The following TMCO4 variants were observed in gnomAD, a reference collection of about 807,000 sequenced individuals.
TMCO4 encodes transmembrane and coiled-coil domain-containing protein 4.
In TMCO4, 58 loss-of-function variants were observed where a neutral mutation model predicts 64.7. The ratio of observed to expected loss-of-function variants is 0.90; its 90% CI spans 0.73 to 1.12. The LOEUF (loss-of-function observed/expected upper bound fraction) is 1.12. Among genes scored for constraint, TMCO4 ranks in the 50% most tolerant of loss-of-function variants. TMCO4 has a pLI of 0.00. For missense variants in TMCO4, 780 were observed against 825.9 expected (o/e 0.94, Z 0.68); for synonymous variants, 325 against 346.1 (o/e 0.94, Z 0.68).
At position 19,739,950 on chromosome 1, in the gene TMCO4, A is replaced by G. The variant is rs2095471691; in HGVS notation, c.1053T>C (p.Ala351=). Reference sequence around the variant, plus strand: ...GGAGTGAGGCTGGCCAGGTCAGGGCAGCCACAATGCCTGGGGAGGTGAGAT... The same window carrying G: ...GGAGTGAGGCTGGCCAGGTCAGGGCGGCCACAATGCCTGGGGAGGTGAGAT... ...LKYTVLSGIV[A]ALTWPASLLS... The change falls in exon 12 of 16, where the codon GCT becomes GCC. Residue 351 remains alanine (A), a synonymous_variant. Transcript: ENST00000294543. 6.2e-7 allele frequency: 1 copy of G among 1,612,990 alleles called. No individual in the cohort carries two copies. The highest frequency in any genetic ancestry group is 1.3e-5 in the African/African-American group (1 of 74,858).
At chr1:19,792,360 T>C (rs2044087434) in intron 2 of TMCO4, among the ~76,000 whole-genome samples, 1 of 152,232 alleles carries the variant, frequency 6.6e-6, no homozygotes, top group Non-Finnish European at 1.5e-5. Context: ...TGTTTTGATA[T>C]GCTATGATTA....
chr1:19,750,946 C>T lies in TMCO4; in HGVS notation c.516-3686G>A, dbSNP rs185678594. On this transcript the variant is annotated intron_variant, in intron 7 of 15. Coordinates refer to ENST00000294543, the MANE Select transcript of TMCO4 (RefSeq NM_181719.7). Reference sequence around the variant, plus strand: ...CCAGTGATTTTCAGAGGGTGGGCACCAGAATCACCAGGAGGTACTTGTTAA... The same window carrying T: ...CCAGTGATTTTCAGAGGGTGGGCACTAGAATCACCAGGAGGTACTTGTTAA... Among the ~76,000 whole-genome samples, 14 of 152,330 alleles carry T rather than the reference C, an allele frequency of 9.2e-5. No individual in the cohort carries two copies. The East Asian group carries it at 2.7e-3, about 29-fold the overall frequency.
chr1:19,752,312 C>T (rs2042054695), intron 7 of TMCO4, among the ~76,000 whole-genome samples: 1 of 152,192 alleles, frequency 6.6e-6, no homozygotes, highest in Non-Finnish European at 1.5e-5. Flanking sequence ...CAGCAACCCA[C>T]ACCGTCGTAG....
At chr1:19,694,034 C>A (rs1557458791) in intron 15 of TMCO4, among the ~76,000 whole-genome samples, 1 of 152,150 alleles carries the variant, frequency 6.6e-6, no homozygotes, top group Non-Finnish European at 1.5e-5. Context: ...CAGGGTTGTG[C>A]TCTGATGCCT....
At chr1:19,714,205 G>A (rs2095345123) in intron 13 of TMCO4, among the ~76,000 whole-genome samples, 1 of 152,150 alleles carries the variant, frequency 6.6e-6, no homozygotes, top group Non-Finnish European at 1.5e-5. Context: ...CCAAAGTGCT[G>A]GGATTACAGG....
At chr1:19,715,404 T>C (rs2095350942) in intron 13 of TMCO4, among the ~76,000 whole-genome samples, 2 of 152,156 alleles carry the variant, frequency 1.3e-5, no homozygotes, top group African/African-American at 2.4e-5. Context: ...TTACCAGTCA[T>C]GGCTAATTAA....
At chr1:19,697,730 C>G (rs2095246081) in intron 14 of TMCO4, among the ~76,000 whole-genome samples, 1 of 151,988 alleles carries the variant, frequency 6.6e-6, no homozygotes, top group South Asian at 2.1e-4. Flanking sequence ...TCCCAAGTAG[C>G]TGGGACTACA....
intron 4 of TMCO4, among the ~76,000 whole-genome samples, chr1:19,772,426 G>T: frequency 6.6e-6 from 1 of 152,160 alleles, no homozygotes; most frequent in East Asian, 1.9e-4. Context: ...AGTCCTACAG[G>T]AGTCCCCAGG....
chr1:19,729,856 AC>A (rs2095423340), intron 13 of TMCO4, among the ~76,000 whole-genome samples: 2 of 152,252 alleles, frequency 1.3e-5, no homozygotes, highest in African/African-American at 4.8e-5. Flanking sequence ...GGTGATAGAT[AC>A]CCCATTTTCC....
chr1:19,713,036 G>A (rs185924133), intron 13 of TMCO4, among the ~76,000 whole-genome samples: 55 of 152,288 alleles, frequency 3.6e-4, no homozygotes, highest in Admixed American at 3.6e-3. Context: ...CTTATGGTGA[G>A]GTTCTAGGAG....
chr1:19,758,737 G>A (rs1180751793), intron 6 of TMCO4, among the ~76,000 whole-genome samples: 1 of 152,096 alleles, frequency 6.6e-6, no homozygotes, highest in Non-Finnish European at 1.5e-5. Context: ...GGCATTCTCT[G>A]GCCCAGGCTC....
Position 19,687,565 on chromosome 1 carries a change from A to G in TMCO4, c.1501-4121T>C, listed in dbSNP as rs563356778. On this transcript the variant is annotated intron_variant, in intron 15 of 15. Coordinates refer to ENST00000294543, the MANE Select transcript of TMCO4 (RefSeq NM_181719.7). ...AGTGGGGGATGGAGAGTAGGGAGTTAGCTGGGCTGATCCATTTGGGAGCCC... is the reference window on the plus strand; with the variant it reads ...AGTGGGGGATGGAGAGTAGGGAGTTGGCTGGGCTGATCCATTTGGGAGCCC... Among the ~76,000 whole-genome samples, 5 of 152,286 alleles carry G rather than the reference A, an allele frequency of 3.3e-5. No individual in the cohort carries two copies. The South Asian group carries it at 1.0e-3, about 32-fold the overall frequency.
intron 4 of TMCO4, among the ~76,000 whole-genome samples, chr1:19,777,260 T>C (rs943520436): frequency 6.6e-6 from 1 of 151,408 alleles, no homozygotes; most frequent in Non-Finnish European, 1.5e-5. Context: ...CCTTGTCCTG[T>C]GAGGGTGTGA....
intron 6 of TMCO4, among the ~76,000 whole-genome samples, chr1:19,768,840 T>C (rs2042859078): frequency 6.6e-6 from 1 of 152,200 alleles, no homozygotes; most frequent in South Asian, 2.1e-4. Context: ...AGACTCTGTA[T>C]TTCTCACAAA....
chr1:19,739,947 G>A lies in TMCO4; in HGVS notation c.1056C>T (p.Ala352=), dbSNP rs1402732086. The change falls in exon 12 of 16, where the codon GCC becomes GCT. Residue 352 remains alanine (A), a synonymous_variant. Coordinates refer to ENST00000294543, the MANE Select transcript of TMCO4 (RefSeq NM_181719.7). Reference sequence around the variant, plus strand: ...TGAGGAGTGAGGCTGGCCAGGTCAGGGCAGCCACAATGCCTGGGGAGGTGA... The same window carrying A: ...TGAGGAGTGAGGCTGGCCAGGTCAGAGCAGCCACAATGCCTGGGGAGGTGA... The part of the protein sequence containing the change: ...KYTVLSGIVA[A]LTWPASLLSV... 1 of 1,613,250 alleles carries A rather than the reference G, an allele frequency of 6.2e-7. No individual in the cohort carries two copies. The highest frequency in any genetic ancestry group is 8.5e-7 in the Non-Finnish European group (1 of 1,179,730).
At chr1:19,728,960 G>T (rs570262452) in intron 13 of TMCO4, among the ~76,000 whole-genome samples, 1 of 152,286 alleles carries the variant, frequency 6.6e-6, no homozygotes, top group South Asian at 2.1e-4. Flanking sequence ...CCTTCTGGCT[G>T]CTAATTGACC....
chr1:19,753,383 C>T (rs539538694), intron 7 of TMCO4, among the ~76,000 whole-genome samples: 6 of 152,226 alleles, frequency 3.9e-5, no homozygotes, highest in East Asian at 1.9e-4. Flanking sequence ...ATGCTGATGG[C>T]GATACTACCA....
intron 6 of TMCO4, among the ~76,000 whole-genome samples, chr1:19,769,984 C>T (rs924276816): frequency 6.2e-5 from 8 of 130,074 alleles, no homozygotes; most frequent in East Asian, 5.8e-4. Context: ...GAAAGCCCCA[C>T]GGCAAGGGGA....
chr1:19,786,475 T>G (rs112500825), intron 3 of TMCO4, among the ~76,000 whole-genome samples: 160 of 152,264 alleles, frequency 1.1e-3, no homozygotes, highest in African/African-American at 3.6e-3. Context: ...GGGAAAAGCA[T>G]GTGTCAAGAC....
Sources: gnomAD v4.1 joint callset for allele counts (sites outside exome capture counted in the v4.1 genomes callset) on GRCh38, gnomAD v4.1.1 for gene constraint, MANE v1.5 for transcripts, NCBI Gene and HGNC (gene_info 2026-07-23, HGNC 2026-07-21) for gene names.